The following CENPV variants were observed in gnomAD, a reference collection of about 807,000 sequenced individuals.
The protein encoded by CENPV is nuclear protein p30.
A neutral mutation model predicts 26.4 loss-of-function variants in CENPV; 15 were observed. The ratio of observed to expected loss-of-function variants is 0.57; its 90% confidence interval spans 0.38 to 0.88. The LOEUF is 0.88. CENPV is among the 40% of genes least tolerant of loss of function. The pLI is 0.00. For missense variants in CENPV, 336 were observed against 376.5 expected (o/e 0.89, Z 0.89); for synonymous variants, 172 against 165.5 (o/e 1.04, Z -0.30).
Position 16,350,193 on chromosome 17 carries a change from A to C in CENPV, c.411-164T>G, listed in dbSNP as rs375355653. On this transcript the variant is annotated intron_variant, in intron 1 of 4. Transcript: ENST00000299736. ...GGCACTGTCAATTTCCTAAGTGAAGAATGGTTTCAGCACCTTCTTTGTCCA... is the reference window on the plus strand; with the variant it reads ...GGCACTGTCAATTTCCTAAGTGAAGCATGGTTTCAGCACCTTCTTTGTCCA... Among the ~76,000 whole-genome samples the C allele has an allele frequency of 8.5e-5, 13 of 152,344 alleles. No homozygotes were observed. In the East Asian group the frequency reaches 2.3e-3, roughly 27 times the overall value.
chr17:16,349,729 A>G, intron 2 of CENPV: 1 of 1,360,186 alleles, frequency 7.4e-7, no homozygotes, highest in South Asian at 1.7e-5. Context: ...CACCTGGGCC[A>G]TGCTGTTGAA....
chr17:16,352,878 G>A (rs1045236675), intron 1 of CENPV, 149 bp downstream of exon 1: 2 of 1,198,784 alleles, frequency 1.7e-6, no homozygotes, highest in Admixed American at 8.0e-5. Flanking sequence ...AATAACCCCA[G>A]TGCTAACGGG....
chr17:16,346,927 T>C (rs1487989239), intron 3 of CENPV, among the ~76,000 whole-genome samples: 8 of 151,976 alleles, frequency 5.3e-5, no homozygotes, highest in African/African-American at 1.9e-4. Context: ...GACAGCTTAC[T>C]GCAGCCTTGA....
At position 16,353,109 on chromosome 17, in the gene CENPV, C is replaced by A; in HGVS notation, c.328G>T (p.Glu110Ter). 6.4e-7 allele frequency: 1 copy of A among 1,563,958 alleles called. No homozygotes were observed. Residue 110 changes from glutamate to a stop codon, truncating the protein, a stop_gained, in exon 1 of 5, where the codon GAG (glutamate) becomes TAG (stop). Coordinates refer to ENST00000299736, the MANE Select transcript of CENPV (RefSeq NM_181716.3). LOFTEE classifies it high-confidence loss of function. ...AACGTCTCCCAGCGCTCCCGCTGCT[C>A]GCCCAGGTCCAGGTTGGACGCCGAG... Reference protein sequence around the residue: ...TSSASNLDLGEQRERWETFQK... With the variant: ...TSSASNLDLG
Position 16,342,656 on chromosome 17 carries a change from A to C in CENPV, c.*161T>G. On this transcript the variant is annotated 3_prime_UTR_variant, in exon 5 of 5. Transcript: ENST00000299736. ...AGGGAGGACAAAGAGCTGCCTAAAG[A>C]AACTGGTAGCTGGAGCAAACTGCAG... 1.4e-6 allele frequency: 1 copy of C among 728,940 alleles called. No individual in the cohort carries two copies. Among genetic ancestry groups the C allele is most frequent in the South Asian group, 2.0e-5 (1 of 50,524 alleles). 45.2% of individuals were successfully genotyped at this position (728,940 alleles called of 1,614,324 possible).
chr17:16,353,017 C>A lies in CENPV; in HGVS notation c.410+10G>T. 6.4e-7 allele frequency: 1 copy of A among 1,554,790 alleles called. No homozygotes were observed. On this transcript the variant is annotated intron_variant, in intron 1 of 4. Transcript: ENST00000299736. Reference sequence around the variant, plus strand: ...AACGGCTCCCGCGCCCCCCGGCCCGCCGCACTCACAAGGTGTCTAGCAGGA... The same window carrying A: ...AACGGCTCCCGCGCCCCCCGGCCCGACGCACTCACAAGGTGTCTAGCAGGA...
chr17:16,348,499 C>T, intron 3 of CENPV, 117 bp downstream of exon 3: 1 of 1,544,812 alleles, frequency 6.5e-7, no homozygotes, highest in Non-Finnish European at 8.8e-7. Context: ...CGTGAGAGGC[C>T]CTGCTATGCT....
At position 16,342,597 on chromosome 17, in the gene CENPV, G is replaced by A; in HGVS notation, c.*220C>T. ...GATCACACAAAAGTTGGGAAGAGAA[G>A]GATGTCAATTAGACTACATCAAAAT... On this transcript the variant is annotated 3_prime_UTR_variant, in exon 5 of 5. Coordinates refer to ENST00000299736, the MANE Select transcript of CENPV (RefSeq NM_181716.3). 7.6e-6 allele frequency: 4 copies of A among 526,722 alleles called. No homozygotes were observed. Among genetic ancestry groups the A allele is most frequent in the Non-Finnish European group, 1.3e-5 (4 of 296,302 alleles). The allele number at this position is 526,722 out of a possible 1,614,324, so 32.6% of individuals were successfully genotyped here.
chr17:16,342,637 G>A lies in CENPV; in HGVS notation c.*180C>T. 2 of 617,230 alleles carry A rather than the reference G, an allele frequency of 3.2e-6. No homozygotes were observed. The highest frequency in any genetic ancestry group is 5.6e-6 in the Non-Finnish European group (2 of 358,546). The allele number at this position is 617,230 out of a possible 1,614,324, so 38.2% of individuals were successfully genotyped here. A position where few individuals can be genotyped will look rare whatever the true frequency, so the allele number is the denominator to read the frequency against. On this transcript the variant is annotated 3_prime_UTR_variant, in exon 5 of 5. Transcript: ENST00000299736. ...TACATCAAAATCTGGGCAGAGGGAG[G>A]ACAAAGAGCTGCCTAAAGAAACTGG...
chr17:16,353,372 G>GCGGAGGCCGCGGAGGCCC lies in CENPV; in HGVS notation c.64_65insGGGCCTCCGCGGCCTCCG (p.Ser21_Ala22insGlyAlaSerAlaAlaSer). The GCGGAGGCCGCGGAGGCCC allele has an allele frequency of 1.6e-6, 2 of 1,239,940 alleles. No individual in the cohort carries two copies. The highest frequency in any genetic ancestry group is 2.9e-5 in the South Asian group (1 of 34,210). 76.8% of individuals were successfully genotyped at this position (1,239,940 alleles called of 1,614,324 possible). The stretch of plus-strand genomic sequence containing the variant: ...AGCGGCCGCGGAGGCCGCGGGGGCC[G>GCGGAGGCCGCGGAGGCCC]CGGAGGCCCCGGACCGCTTCTGCCC... On this transcript the variant is annotated inframe_insertion, in exon 1 of 5. Transcript: ENST00000299736.
At position 16,348,683 on chromosome 17, in the gene CENPV, C is replaced by G. The variant is rs759299317; in HGVS notation, c.512G>C (p.Cys171Ser). 6.2e-7 allele frequency: 1 copy of G among 1,613,864 alleles called. No homozygotes were observed. The highest frequency in any genetic ancestry group is 8.5e-7 in the Non-Finnish European group (1 of 1,179,818). Residue 171 changes from cysteine (C) to serine (S), a missense_variant and splice_region_variant, in exon 3 of 5, where the codon TGC becomes TCC. Around this residue, in one of 2 missense-constraint regions of CENPV, gnomAD observed 155 missense variants for 227.8 expected, o/e 0.68. Transcript: ENST00000299736. ...SADLHIFDCN[C>S]SICKKKQNRH... ...ATTCTGCTTCTTCTTGCAAATGCTG[C>G]AACTACAGAAAGACAGAGCAAATTC...
intron 3 of CENPV, among the ~76,000 whole-genome samples, chr17:16,347,186 A>G (rs2142898993): frequency 6.6e-6 from 1 of 152,242 alleles, no homozygotes; most frequent in South Asian, 2.1e-4. Flanking sequence ...ATCTTTGAAG[A>G]GGGATCCAAG....
chr17:16,344,760 TATTTA>T (rs1335569148), intron 3 of CENPV, 49 bp from the exon 4 acceptor site: 3 of 957,772 alleles, frequency 3.1e-6, no homozygotes, highest in East Asian at 3.2e-5. Context: ...GAGATTTATT[TATTTA>T]ATTTATTTAT....
intron 1 of CENPV, chr17:16,350,880 T>C (rs140411239): frequency 1.3e-5 from 2 of 152,350 alleles, no homozygotes; most frequent in Non-Finnish European, 1.5e-5. Context: ...GCTCTATTTC[T>C]TTCCAGTATT....
At chr17:16,345,717 A>G (rs1309095319) in intron 3 of CENPV, among the ~76,000 whole-genome samples, 1 of 152,152 alleles carries the variant, frequency 6.6e-6, no homozygotes, top group Non-Finnish European at 1.5e-5. Context: ...GGTCAACGGC[A>G]TACAGAATTC....
chr17:16,342,972 T>C (rs778363238), intron 4 of CENPV, 31 bp from the exon 5 acceptor site: 1 of 1,613,780 alleles, frequency 6.2e-7, no homozygotes, highest in Non-Finnish European at 8.5e-7. Flanking sequence ...CAAAGGGGGA[T>C]CCTCAGTATG....
In CENPV at chr17:16,348,695, G is replaced by C. The variant is rs2093217675; in HGVS notation, c.510-10C>G. On this transcript the variant is annotated splice_polypyrimidine_tract_variant and intron_variant, in intron 2 of 4. Transcript: ENST00000299736. ...CTTGCAAATGCTGCAACTACAGAAA[G>C]ACAGAGCAAATTCCAGATTGTGAGC... The C allele has an allele frequency of 1.2e-6, 2 of 1,613,726 alleles. No homozygotes were observed. Among genetic ancestry groups the C allele is most frequent in the Non-Finnish European group, 1.7e-6 (2 of 1,179,736 alleles).
intron 4 of CENPV, among the ~76,000 whole-genome samples, chr17:16,343,722 G>A (rs779982165): frequency 8.5e-5 from 13 of 152,160 alleles, no homozygotes; most frequent in Non-Finnish European, 2.9e-5. Flanking sequence ...AGGCCCTGAA[G>A]CAATGGGGGA....
chr17:16,348,773 C>T, intron 2 of CENPV, 88 bp from the exon 3 acceptor site: 2 of 1,585,740 alleles, frequency 1.3e-6, no homozygotes, highest in African/African-American at 1.3e-5. Flanking sequence ...GCCAGCCGAC[C>T]CCACAGATGA....
Sources: gnomAD v4.1 joint callset for allele counts (sites outside exome capture counted in the v4.1 genomes callset) on GRCh38, gnomAD v4.1.1 for gene constraint, gnomAD v4.1.1 regional missense constraint, MANE v1.5 for transcripts, NCBI Gene and HGNC (gene_info 2026-07-23, HGNC 2026-07-21) for gene names.